ASIC2: variants seen among roughly 807,000 people sequenced by gnomAD.
The protein encoded by ASIC2 is acid sensing ion channel subunit 2.
ASIC2 carries 25 observed loss-of-function variants against 57.3 expected under a neutral mutation model. The ratio of observed to expected loss-of-function variants is 0.44; its 90% CI spans 0.32 to 0.61. ASIC2 has a LOEUF of 0.61. ASIC2 is among the 20% of genes least tolerant of loss of function. ASIC2 has a pLI of 0.06. For synonymous variants in ASIC2, 319 were observed against 307.5 expected, an observed-to-expected ratio of 1.04 and a Z score of -0.39; for missense variants, 641 against 738.1, an observed-to-expected ratio of 0.87 and a Z score of 1.52.
intron 1 of ASIC2, among the ~76,000 whole-genome samples, chr17:33,786,693 A>G (rs1306657916): frequency 6.6e-6 from 1 of 152,142 alleles, no homozygotes; most frequent in East Asian, 1.9e-4. Flanking sequence ...GCCCCTGGCC[A>G]CCCCATCATG....
At chr17:33,362,602 G>A (rs1008350150) in intron 1 of ASIC2, among the ~76,000 whole-genome samples, 1 of 152,224 alleles carries the variant, frequency 6.6e-6, no homozygotes, top group Non-Finnish European at 1.5e-5. Flanking sequence ...TCTTGAAACG[G>A]TGGTGACAAC....
At chr17:33,202,511 G>A (rs768122187) in intron 1 of ASIC2, among the ~76,000 whole-genome samples, 23 of 152,340 alleles carry the variant, frequency 1.5e-4, no homozygotes, top group Non-Finnish European at 1.3e-4. Context: ...AGTGTGGCCA[G>A]CAGGTCAGCA....
intron 1 of ASIC2, among the ~76,000 whole-genome samples, chr17:33,160,315 T>C (rs1489224408): frequency 6.6e-6 from 1 of 152,232 alleles, no homozygotes; most frequent in Non-Finnish European, 1.5e-5. Context: ...ACCTGGAACC[T>C]CTCAGGGCAT....
chr17:33,223,657 T>G (rs11869680), intron 1 of ASIC2, among the ~76,000 whole-genome samples: 108,856 of 152,208 alleles, frequency 0.72, 39,158 homozygotes, highest in Middle Eastern at 0.8. Flanking sequence ...TTTCCTTATA[T>G]AATATTTGGT....
chr17:33,425,923 G>A (rs1911203791), intron 1 of ASIC2, among the ~76,000 whole-genome samples: 1 of 152,166 alleles, frequency 6.6e-6, no homozygotes, highest in Admixed American at 6.5e-5. Context: ...GTCAGGCGCA[G>A]CGCCAACAAA....
chr17:33,881,965 A>T (rs1914711218), intron 1 of ASIC2, among the ~76,000 whole-genome samples: 1 of 152,200 alleles, frequency 6.6e-6, no homozygotes, highest in Admixed American at 6.5e-5. Flanking sequence ...CCACATCTAC[A>T]ACCATCTGAT....
intron 3 of ASIC2, among the ~76,000 whole-genome samples, chr17:33,035,289 G>A (rs1191957250): frequency 6.6e-6 from 1 of 152,064 alleles, no homozygotes; most frequent in East Asian, 1.9e-4. Flanking sequence ...TAACATTGGG[G>A]TTATATGTAG....
At chr17:33,800,590 A>G (rs1195876805) in intron 1 of ASIC2, among the ~76,000 whole-genome samples, 1 of 152,170 alleles carries the variant, frequency 6.6e-6, no homozygotes, top group Non-Finnish European at 1.5e-5. Flanking sequence ...GGTAGTTGTT[A>G]AACATGTAAA....
intron 1 of ASIC2, among the ~76,000 whole-genome samples, chr17:33,442,704 A>G (rs1911867572): frequency 1.3e-5 from 2 of 151,726 alleles, no homozygotes; most frequent in Non-Finnish European, 2.9e-5. Context: ...TTTCTAAAGG[A>G]TCATGTTTTC....
At chr17:33,367,494 G>C (rs1908858221) in intron 1 of ASIC2, among the ~76,000 whole-genome samples, 1 of 152,176 alleles carries the variant, frequency 6.6e-6, no homozygotes. Context: ...AAGCTCCCCA[G>C]AGAAAGTTGC....
intron 1 of ASIC2, among the ~76,000 whole-genome samples, chr17:34,062,748 G>T (rs1157184931): frequency 6.6e-6 from 1 of 151,956 alleles, no homozygotes; most frequent in Non-Finnish European, 1.5e-5. Flanking sequence ...ACACCTTTAC[G>T]CACATAAACT....
chr17:33,082,637 T>C (rs575915028), intron 3 of ASIC2, among the ~76,000 whole-genome samples: 51 of 152,104 alleles, frequency 3.4e-4, no homozygotes, highest in African/African-American at 1.2e-3. Context: ...AGGTGGAGGT[T>C]GCAGTGAGCA....
intron 1 of ASIC2, among the ~76,000 whole-genome samples, chr17:33,996,670 T>A (rs1048306350): frequency 6.6e-6 from 1 of 152,212 alleles, no homozygotes; most frequent in Non-Finnish European, 1.5e-5. Context: ...TGATAAAAAA[T>A]GCAGAGGTTT....
At chr17:34,125,740 A>C (rs1242360921) in intron 1 of ASIC2, among the ~76,000 whole-genome samples, 1 of 152,178 alleles carries the variant, frequency 6.6e-6, no homozygotes, top group East Asian at 1.9e-4. Flanking sequence ...CAGCCCCACA[A>C]GTAGTAGGTT....
At chr17:33,295,693 C>T (rs796357711), upstream of ASIC2, among the ~76,000 whole-genome samples, 6 of 152,298 alleles carry the variant, frequency 3.9e-5, no homozygotes, top group African/African-American at 1.4e-4. Context: ...AGCACAGTGA[C>T]CTAGCACGTT....
At chr17:34,114,300 T>C (rs1010972661) in intron 1 of ASIC2, among the ~76,000 whole-genome samples, 2 of 152,158 alleles carry the variant, frequency 1.3e-5, no homozygotes, top group African/African-American at 4.8e-5. Flanking sequence ...TCTTGGCTCA[T>C]AGCAAAGGGA....
chr17:33,607,167 T>G (rs575488052), intron 1 of ASIC2, among the ~76,000 whole-genome samples: 2 of 152,204 alleles, frequency 1.3e-5, no homozygotes, highest in Admixed American at 1.3e-4. Context: ...AGCCTGAGCA[T>G]GTTTTAGGGA....
intron 1 of ASIC2, among the ~76,000 whole-genome samples, chr17:33,123,339 A>G (rs2092310392): frequency 6.6e-6 from 1 of 152,228 alleles, no homozygotes; most frequent in Non-Finnish European, 1.5e-5. Flanking sequence ...GTCATTTGCA[A>G]CAACATAGAT....
intron 1 of ASIC2, among the ~76,000 whole-genome samples, chr17:33,841,946 C>A (rs967419564): frequency 2.0e-5 from 3 of 151,942 alleles, no homozygotes; most frequent in Admixed American, 2.0e-4. Flanking sequence ...CGGAGAATGT[C>A]CAGTGGTGGC....
Sources: gnomAD v4.1 joint callset for allele counts (sites outside exome capture counted in the v4.1 genomes callset) on GRCh38, gnomAD v4.1.1 for gene constraint, MANE v1.5 for transcripts, NCBI Gene and HGNC (gene_info 2026-07-23, HGNC 2026-07-21) for gene names.